The following SPATS2 variants were observed in gnomAD, a reference collection of about 807,000 sequenced individuals.
SPATS2 encodes spermatogenesis associated serine rich 2.
Under a neutral mutation model 63.7 loss-of-function variants are expected in SPATS2, and 38 were observed. The observed-to-expected ratio is 0.60, with a 90% CI of 0.46 to 0.78. SPATS2 has a LOEUF of 0.78. SPATS2 is among the 30% of genes least tolerant of loss of function. The pLI, the probability that SPATS2 is intolerant of heterozygous loss-of-function variation, is 0.00. For synonymous variants in SPATS2, 207 were observed against 232.9 expected (o/e 0.89, Z 1.01); for missense variants, 588 against 666.2 (o/e 0.88, Z 1.29).
intron 2 of SPATS2, among the ~76,000 whole-genome samples, chr12:49,436,791 C>T (rs1286618884): frequency 6.8e-6 from 1 of 146,064 alleles, no homozygotes; most frequent in Admixed American, 6.7e-5. Context: ...GGGCTCCTCA[C>T]TTCCCAGTAG....
At chr12:49,465,239 T>A (rs1302494859) in intron 3 of SPATS2, among the ~76,000 whole-genome samples, 1 of 152,236 alleles carries the variant, frequency 6.6e-6, no homozygotes, top group Non-Finnish European at 1.5e-5. Context: ...AGGAGTGGAC[T>A]TCTTTAACTT....
intron 3 of SPATS2, among the ~76,000 whole-genome samples, chr12:49,466,898 T>C (rs1264391122): frequency 6.6e-6 from 1 of 152,176 alleles, no homozygotes. Flanking sequence ...ATTATCATCT[T>C]AACAACATGG....
At chr12:49,495,100 T>C in intron 7 of SPATS2, 98 bp downstream of exon 7, 1 of 1,276,020 alleles carries the variant, frequency 7.8e-7, no homozygotes. Context: ...TAGTCTTTTT[T>C]TATCCAGTGC....
chr12:49,367,126 G>GCCGCCCCGCGCCTCTCC, upstream of SPATS2: 1 of 154,482 alleles, frequency 6.5e-6, no homozygotes, highest in Non-Finnish European at 1.4e-5. Flanking sequence ...CCCGCCTCTC[G>GCCGCCCCGCGCCTCTCC]CCGCCCCGCG....
intron 3 of SPATS2, among the ~76,000 whole-genome samples, chr12:49,469,063 G>C: frequency 6.6e-6 from 1 of 152,006 alleles, no homozygotes. Flanking sequence ...TTTGAAACTA[G>C]CCTGAGTAAC....
intron 9 of SPATS2, among the ~76,000 whole-genome samples, chr12:49,502,237 T>G (rs1315269786): frequency 6.6e-6 from 1 of 152,146 alleles, no homozygotes; most frequent in Non-Finnish European, 1.5e-5. Flanking sequence ...ATATAAGAGA[T>G]AGAGGAGAGT....
At chr12:49,466,888 A>T (rs1945925694) in intron 3 of SPATS2, among the ~76,000 whole-genome samples, 1 of 152,138 alleles carries the variant, frequency 6.6e-6, no homozygotes, top group African/African-American at 2.4e-5. Context: ...TTCATGTAGA[A>T]TTATCATCTT....
At chr12:49,438,621 C>G (rs1235618900) in intron 2 of SPATS2, among the ~76,000 whole-genome samples, 1 of 152,110 alleles carries the variant, frequency 6.6e-6, no homozygotes, top group Admixed American at 6.5e-5. Flanking sequence ...AAATTTTAGC[C>G]TTTCCTGTGT....
intron 3 of SPATS2, among the ~76,000 whole-genome samples, chr12:49,467,478 C>G (rs1592427885): frequency 1.3e-5 from 2 of 152,218 alleles, no homozygotes; most frequent in East Asian, 1.9e-4. Context: ...GTGATTCCCA[C>G]AGATTGCTAA....
At chr12:49,402,500 G>A (rs1274220755) in intron 2 of SPATS2, among the ~76,000 whole-genome samples, 1 of 152,154 alleles carries the variant, frequency 6.6e-6, no homozygotes. Context: ...TATAATTATT[G>A]TAACGACAAG....
chr12:49,502,950 G>A (rs1031325797), intron 9 of SPATS2, among the ~76,000 whole-genome samples: 3 of 152,122 alleles, frequency 2.0e-5, no homozygotes, highest in African/African-American at 7.2e-5. Flanking sequence ...TCTAACTTCT[G>A]GAAATTATTT....
chr12:49,471,494 A>G (rs148541265), intron 3 of SPATS2, among the ~76,000 whole-genome samples: 2,329 of 152,186 alleles, frequency 0.015, 208 homozygotes, highest in Admixed American at 0.14. Context: ...GCACCTTGCT[A>G]ATTTTTTAAA....
chr12:49,441,755 A>C (rs1945422371), intron 2 of SPATS2: 1 of 152,216 alleles, frequency 6.6e-6, no homozygotes, highest in Non-Finnish European at 1.5e-5. Context: ...TAAAATTTGG[A>C]GGCAAATTTT....
chr12:49,501,819 A>C (rs1946572360), intron 9 of SPATS2, among the ~76,000 whole-genome samples: 1 of 152,062 alleles, frequency 6.6e-6, no homozygotes, highest in Admixed American at 6.6e-5. Context: ...GGGTTTCACC[A>C]TGTTGGCCAG....
chr12:49,516,888 A>T (rs908480937), intron 10 of SPATS2, among the ~76,000 whole-genome samples: 1 of 152,164 alleles, frequency 6.6e-6, no homozygotes, highest in Non-Finnish European at 1.5e-5. Context: ...CTCCCTGAAA[A>T]TCCTGGTTCT....
upstream of SPATS2, chr12:49,367,375 T>C (rs1430869702): frequency 1.0e-5 from 4 of 393,316 alleles, no homozygotes; most frequent in African/African-American, 2.1e-5. Flanking sequence ...GGCAGCATCC[T>C]GCAGTCCGGC....
At chr12:49,408,887 T>G (rs925338135) in intron 2 of SPATS2, among the ~76,000 whole-genome samples, 1 of 152,134 alleles carries the variant, frequency 6.6e-6, no homozygotes, top group Non-Finnish European at 1.5e-5. Flanking sequence ...GGCACAAGAT[T>G]CTTTTACATG....
chr12:49,479,817 A>G (rs186115944), intron 3 of SPATS2, among the ~76,000 whole-genome samples: 305 of 152,364 alleles, frequency 2.0e-3, no homozygotes, highest in African/African-American at 7.0e-3. Flanking sequence ...AAGAAAGGCT[A>G]TATATCAAGG....
In SPATS2 at chr12:49,437,262, C is replaced by CA. The variant is rs1375524485; in HGVS notation, c.-243-23507dup. ...CAGGGCAGAGGCGCTCCCCACATCTCAGACGATGGGCGGCCTGGCAGAGAC... is the reference window on the plus strand; with the variant it reads ...CAGGGCAGAGGCGCTCCCCACATCTCAAGACGATGGGCGGCCTGGCAGAGAC... On this transcript the variant is annotated intron_variant, in intron 2 of 13. Coordinates refer to ENST00000552918, the MANE Select transcript of SPATS2 (RefSeq NM_023071.4). Among the ~76,000 whole-genome samples, 4 of 151,650 alleles carry CA rather than the reference C, an allele frequency of 2.6e-5. No homozygotes were observed. In the East Asian group the frequency reaches 7.9e-4, roughly 30 times the overall value.
Sources: gnomAD v4.1 joint callset for allele counts (sites outside exome capture counted in the v4.1 genomes callset) on GRCh38, gnomAD v4.1.1 for gene constraint, MANE v1.5 for transcripts, NCBI Gene and HGNC (gene_info 2026-07-23, HGNC 2026-07-21) for gene names.